The following RBFOX1 variants were observed in gnomAD, a reference collection of about 807,000 sequenced individuals.
RBFOX1 encodes RNA binding fox-1 homolog 1, also known as RNA binding protein fox-1 homolog 1.
Under a neutral mutation model 57.7 loss-of-function variants are expected in RBFOX1, and 8 were observed. The observed-to-expected ratio is 0.14, with a 90% CI of 0.08 to 0.25. The LOEUF (loss-of-function observed/expected upper bound fraction) is 0.25. Among genes scored for constraint, RBFOX1 ranks in the 10% least tolerant of loss-of-function variants. The pLI is 1.00. For missense variants in RBFOX1, 611 were observed against 548.5 expected, an observed-to-expected ratio of 1.11 and a Z score of -1.14; for synonymous variants, 326 against 222.4, an observed-to-expected ratio of 1.47 and a Z score of -4.15.
At chr16:6,033,538 T>G (rs1369929541) in intron 1 of RBFOX1, among the ~76,000 whole-genome samples, 2 of 152,240 alleles carry the variant, frequency 1.3e-5, no homozygotes, top group East Asian at 1.9e-4. Context: ...TTCCACTGTT[T>G]GCTCTTTTTA....
intron 4 of RBFOX1, among the ~76,000 whole-genome samples, chr16:7,506,554 CACCATCACCATTATT>C (rs2073364501): frequency 6.6e-6 from 1 of 152,010 alleles, no homozygotes; most frequent in Non-Finnish European, 1.5e-5. Context: ...ACATCGTCAT[CACCATCACCATTATT>C]ACCATCACCT....
chr16:7,411,706 C>A (rs748524600), intron 4 of RBFOX1, among the ~76,000 whole-genome samples: 3 of 151,924 alleles, frequency 2.0e-5, no homozygotes, highest in African/African-American at 7.3e-5. Flanking sequence ...GAGTTTGAGA[C>A]CAGCCTGACC....
chr16:7,704,376 AAATGATGTAAAAAGTGTACACT>A, intron 14 of RBFOX1, among the ~76,000 whole-genome samples: 1 of 152,284 alleles, frequency 6.6e-6, no homozygotes, highest in East Asian at 1.9e-4. Context: ...AAACTCACAG[AAATGATGTAAAAAGTGTACACT>A]ATTTCTAGAG....
intron 1 of RBFOX1, among the ~76,000 whole-genome samples, chr16:5,458,634 T>C (rs755716246): frequency 6.6e-6 from 1 of 152,254 alleles, no homozygotes; most frequent in Non-Finnish European, 1.5e-5. Context: ...GACCCTCTAC[T>C]GCTCTTGAAG....
rs149762256 is a variant in RBFOX1, at chr16:5,342,140, C to CT, written c.219+102037dup. Among the ~76,000 whole-genome samples, 624 of 152,260 alleles carry CT rather than the reference C, an allele frequency of 4.1e-3. 4 individuals carry two copies. Among genetic ancestry groups the CT allele is most frequent in the African/African-American group, 0.014 (584 of 41,554 alleles). ...CTATTGGAGAGGCATAATTTTCCAC[C>CT]TTCTAATTGCTTTGCATATATGTTC... On this transcript the variant is annotated intron_variant, in intron 1 of 2. Coordinates refer to the RBFOX1 transcript ENST00000585867.
chr16:5,904,866 A>C (rs2058410330), intron 4 of RBFOX1, among the ~76,000 whole-genome samples: 1 of 149,656 alleles, frequency 6.7e-6, no homozygotes. Context: ...AGTCCCAGCT[A>C]CTCGGGAGGC....
At chr16:6,869,614 A>T (rs920824476) in intron 3 of RBFOX1, among the ~76,000 whole-genome samples, 2 of 152,176 alleles carry the variant, frequency 1.3e-5, no homozygotes, top group African/African-American at 4.8e-5. Flanking sequence ...CAGGAAAAAT[A>T]TAATTGGAAT....
At chr16:6,647,847 C>T (rs765890784) in intron 2 of RBFOX1, among the ~76,000 whole-genome samples, 2 of 152,026 alleles carry the variant, frequency 1.3e-5, no homozygotes, top group African/African-American at 2.4e-5. Context: ...TGATCCCCTT[C>T]TCTTTGTTTT....
chr16:6,093,252 A>C (rs1185799387), intron 1 of RBFOX1, among the ~76,000 whole-genome samples: 1 of 152,160 alleles, frequency 6.6e-6, no homozygotes, highest in Non-Finnish European at 1.5e-5. Context: ...GCAACATGTT[A>C]TTATTCAATA....
chr16:5,366,177 G>C (rs1449640730), intron 1 of RBFOX1: 9 of 422,592 alleles, frequency 2.1e-5, no homozygotes, highest in Non-Finnish European at 4.1e-5. Flanking sequence ...AGAAGACGAA[G>C]ACAAAGATAT....
At chr16:5,292,383 C>T (rs1341225564) in intron 1 of RBFOX1, among the ~76,000 whole-genome samples, 1 of 152,202 alleles carries the variant, frequency 6.6e-6, no homozygotes, top group East Asian at 1.9e-4. Context: ...AGAAATGTGG[C>T]TGGGAGCTTC....
chr16:6,888,476 C>T (rs987176355), intron 3 of RBFOX1, among the ~76,000 whole-genome samples: 1 of 152,062 alleles, frequency 6.6e-6, no homozygotes, highest in Non-Finnish European at 1.5e-5. Flanking sequence ...ATTTTCGGTT[C>T]AGGGGGAAAT....
intron 1 of RBFOX1, among the ~76,000 whole-genome samples, chr16:6,214,134 A>C (rs2097315834): frequency 6.6e-6 from 1 of 152,164 alleles, no homozygotes; most frequent in Non-Finnish European, 1.5e-5. Flanking sequence ...AAATGAGACA[A>C]ACCCGTTGTC....
chr16:5,699,609 T>G lies in RBFOX1; in HGVS notation c.318+100648T>G, dbSNP rs74004499. ...CCTCCAGTTAAGAGACATTTTTGGT[T>G]GTCAGCTCTGGGTAGACATTTTTGG... On this transcript the variant is annotated intron_variant, in intron 3 of 19. Transcript: ENST00000641259. Among the ~76,000 whole-genome samples the G allele has an allele frequency of 8.6e-3, 1,314 of 152,204 alleles. 17 individuals carry two copies. Among genetic ancestry groups the G allele is most frequent in the African/African-American group, 0.03 (1,227 of 41,520 alleles).
intron 4 of RBFOX1, among the ~76,000 whole-genome samples, chr16:7,495,209 A>G (rs1189866362): frequency 1.3e-5 from 2 of 152,044 alleles, no homozygotes. Context: ...TTCTTTATCC[A>G]GTCCACCGCT....
intron 4 of RBFOX1, among the ~76,000 whole-genome samples, chr16:5,886,521 C>T (rs993682590): frequency 2.8e-4 from 43 of 152,168 alleles, no homozygotes; most frequent in African/African-American, 9.4e-4. Flanking sequence ...ATTAAAACAG[C>T]AATAACTAAC....
chr16:7,613,220 T>G (rs2057859777), intron 10 of RBFOX1, among the ~76,000 whole-genome samples: 1 of 152,136 alleles, frequency 6.6e-6, no homozygotes, highest in Admixed American at 6.5e-5. Context: ...AGATTCTGAA[T>G]GGATACTCCT....
intron 2 of RBFOX1, among the ~76,000 whole-genome samples, chr16:5,543,326 A>G (rs1166329229): frequency 6.6e-6 from 1 of 152,180 alleles, no homozygotes; most frequent in Non-Finnish European, 1.5e-5. Flanking sequence ...AAACAGAAAC[A>G]TGGAAGACAA....
At chr16:5,961,405 G>A (rs527790956) in intron 4 of RBFOX1, among the ~76,000 whole-genome samples, 1 of 151,992 alleles carries the variant, frequency 6.6e-6, no homozygotes, top group Non-Finnish European at 1.5e-5. Flanking sequence ...CGGGTGGTGG[G>A]ACAGAAATTC....
Sources: allele counts gnomAD v4.1 joint callset (sites outside exome capture counted in the v4.1 genomes callset), GRCh38; gene constraint gnomAD v4.1.1; transcripts MANE v1.5; gene names NCBI Gene and HGNC (gene_info 2026-07-23, HGNC 2026-07-21).